PDE3B: variants seen among roughly 807,000 people sequenced by gnomAD.
PDE3B encodes phosphodiesterase 3B, also known as cGMP-inhibited 3',5'-cyclic phosphodiesterase 3B.
In PDE3B, 66 loss-of-function variants were observed where a neutral mutation model predicts 116.8. The ratio of observed to expected loss-of-function variants is 0.56; its 90% CI spans 0.46 to 0.69. PDE3B has a LOEUF of 0.69. Ranked by LOEUF, PDE3B falls within the 30% of genes least tolerant of loss-of-function variation. The probability of loss-of-function intolerance (pLI) is 0.00; values close to 1 mark genes in which losing one functional copy is unlikely to be tolerated. For missense variants in PDE3B, 1,384 were observed against 1,368.1 expected, an observed-to-expected ratio of 1.01 and a Z score of -0.18; for synonymous variants, 595 against 533.6, an observed-to-expected ratio of 1.12 and a Z score of -1.59.
chr11:14,692,472 G>T (rs1253209872), intron 1 of PDE3B, among the ~76,000 whole-genome samples: 3 of 152,074 alleles, frequency 2.0e-5, no homozygotes, highest in African/African-American at 7.2e-5. Context: ...GCAGCGCTGT[G>T]TTGAGCAAGT....
At chr11:14,766,439 G>C (rs891639192) in intron 1 of PDE3B, among the ~76,000 whole-genome samples, 1 of 151,648 alleles carries the variant, frequency 6.6e-6, no homozygotes, top group East Asian at 1.9e-4. Context: ...TATCATACTT[G>C]AAAGTTTAAG....
At chr11:14,897,343 T>C in the PDE3B span, among the ~76,000 whole-genome samples, 1 of 152,202 alleles carries the variant, frequency 6.6e-6, no homozygotes, top group Non-Finnish European at 1.5e-5. Flanking sequence ...CTTGAAGGTT[T>C]AGTGGGGTTG....
intron 4 of PDE3B, among the ~76,000 whole-genome samples, chr11:14,801,099 T>C (rs1334673455): frequency 6.6e-6 from 1 of 152,184 alleles, no homozygotes; most frequent in African/African-American, 2.4e-5. Flanking sequence ...GATTAGAACA[T>C]GCTCCTTTAG....
chr11:14,887,579 T>C, the PDE3B span: 1 of 984,580 alleles, frequency 1.0e-6, no homozygotes, highest in African/African-American at 1.7e-5. Context: ...TATGGGCTAA[T>C]TATAATGCTG....
chr11:14,861,431 GT>G, intron 14 of PDE3B, 65 bp downstream of exon 14: 1 of 1,416,242 alleles, frequency 7.1e-7, no homozygotes, highest in South Asian at 1.2e-5. Context: ...TACTCTTTGG[GT>G]TTTGGATAGC....
chr11:14,675,454 A>G (rs938184960), intron 1 of PDE3B, among the ~76,000 whole-genome samples: 1 of 152,154 alleles, frequency 6.6e-6, no homozygotes, highest in African/African-American at 2.4e-5. Flanking sequence ...TGATGGTTAT[A>G]TACACTTATG....
At chr11:14,687,478 G>A (rs982257067) in intron 1 of PDE3B, among the ~76,000 whole-genome samples, 4 of 152,094 alleles carry the variant, frequency 2.6e-5, no homozygotes, top group African/African-American at 7.2e-5. Flanking sequence ...TAATGCAACT[G>A]GGGAGACAAT....
Position 14,670,859 on chromosome 11 carries a change from G to T in PDE3B, c.978+25806G>T, listed in dbSNP as rs536915771. Among the ~76,000 whole-genome samples the T allele has an allele frequency of 3.1e-4, 46 of 149,516 alleles. No homozygotes were observed. In the South Asian group the frequency reaches 4.2e-3, roughly 14 times the overall value. On this transcript the variant is annotated intron_variant, in intron 1 of 15. Coordinates refer to ENST00000282096, the MANE Select transcript of PDE3B (RefSeq NM_000922.4). ...TCCAGCTTACATGTCATCTATCTTT[G>T]TTTAATGATACGTATAATTTTTTTT... is the stretch of plus-strand genomic sequence containing the variant.
chr11:14,764,563 A>G (rs976343661), intron 1 of PDE3B, among the ~76,000 whole-genome samples: 6 of 152,128 alleles, frequency 3.9e-5, no homozygotes, highest in African/African-American at 1.2e-4. Context: ...ATAAGATGCT[A>G]CAGCATAATG....
At chr11:14,669,381 A>G (rs1297673722) in intron 1 of PDE3B, among the ~76,000 whole-genome samples, 2 of 152,092 alleles carry the variant, frequency 1.3e-5, no homozygotes, top group East Asian at 3.9e-4. Flanking sequence ...TTTGGATATA[A>G]ACAAGAGTCT....
rs765836125 is a variant in PDE3B, at chr11:14,819,193, C to T, written c.1791C>T (p.Cys597=). 4.4e-6 allele frequency: 7 copies of T among 1,586,192 alleles called. No individual in the cohort carries two copies. Among genetic ancestry groups the T allele is most frequent in the Non-Finnish European group, 6.0e-6 (7 of 1,160,952 alleles). The change falls in exon 7 of 16, where the codon TGC becomes TGT. Residue 597 remains cysteine, a synonymous_variant. Transcript: ENST00000282096. ...CATCTGAATCAGATGGTACAGATTG[C>T]TGCAGTGGAAAATCAGGTGAGATTA... ...VSTSESDGTD[C]CSGKSGEEEN... is the part of the protein sequence containing the mutation.
At chr11:14,689,106 A>G (rs1272649764) in intron 1 of PDE3B, among the ~76,000 whole-genome samples, 1 of 152,152 alleles carries the variant, frequency 6.6e-6, no homozygotes, top group Non-Finnish European at 1.5e-5. Context: ...AGTTCGTGCA[A>G]TTAAAGGTGG....
intron 14 of PDE3B, among the ~76,000 whole-genome samples, chr11:14,866,464 G>T (rs1186613941): frequency 6.6e-6 from 1 of 152,042 alleles, no homozygotes; most frequent in Non-Finnish European, 1.5e-5. Flanking sequence ...TAACTGCCAT[G>T]GACTTAGAAA....
At chr11:14,848,317 T>G (rs1397361523) in intron 12 of PDE3B, among the ~76,000 whole-genome samples, 5 of 141,002 alleles carry the variant, frequency 3.5e-5, no homozygotes, top group African/African-American at 1.3e-4. Flanking sequence ...CTCAATAAAT[T>G]AGGTATTGAT....
intron 1 of PDE3B, among the ~76,000 whole-genome samples, chr11:14,681,028 T>C (rs920223250): frequency 1.9e-4 from 29 of 152,276 alleles, no homozygotes; most frequent in African/African-American, 6.0e-4. Context: ...CAAAAACATA[T>C]TTTTGGCTTA....
chr11:14,733,974 G>C (rs1361579495), intron 1 of PDE3B, among the ~76,000 whole-genome samples: 3 of 152,184 alleles, frequency 2.0e-5, no homozygotes, highest in Non-Finnish European at 4.4e-5. Flanking sequence ...CAGTGTGAGG[G>C]TATGTCGAAG....
At chr11:14,823,864 C>A (rs1476408467) in intron 7 of PDE3B, among the ~76,000 whole-genome samples, 1 of 152,172 alleles carries the variant, frequency 6.6e-6, no homozygotes, top group Admixed American at 6.5e-5. Flanking sequence ...GCCTGGGTCT[C>A]CAGCTCCCCT....
intron 12 of PDE3B, among the ~76,000 whole-genome samples, chr11:14,850,964 G>A (rs1329019232): frequency 6.6e-6 from 1 of 151,228 alleles, no homozygotes; most frequent in Non-Finnish European, 1.5e-5. Context: ...GAGTAGCTGG[G>A]ACTACCACAC....
At chr11:14,867,883 A>G (rs1714252548) in intron 15 of PDE3B, 125 bp downstream of exon 15, 2 of 711,842 alleles carry the variant, frequency 2.8e-6, no homozygotes, top group African/African-American at 3.6e-5. Flanking sequence ...TGCTCAAAGG[A>G]AATATTCATT....
Sources: gnomAD v4.1 joint callset for allele counts (sites outside exome capture counted in the v4.1 genomes callset) on GRCh38, gnomAD v4.1.1 for gene constraint, MANE v1.5 for transcripts, NCBI Gene and HGNC (gene_info 2026-07-23, HGNC 2026-07-21) for gene names.